Variants in KLF8 observed in about 807,000 individuals in gnomAD.
The protein encoded by KLF8 is KLF transcription factor 8, also known as Krueppel-like factor 8.
In KLF8, 10 loss-of-function variants were observed where a neutral mutation model predicts 18.2. That is an observed-to-expected ratio of 0.55 (90% CI 0.34 to 0.93). The LOEUF (loss-of-function observed/expected upper bound fraction) is 0.93. Ranked by LOEUF, KLF8 falls within the 40% of genes least tolerant of loss-of-function variation. The pLI is 0.02. For missense variants in KLF8, 264 were observed against 277.9 expected, an observed-to-expected ratio of 0.95 and a Z score of 0.36; for synonymous variants, 109 against 97.3, an observed-to-expected ratio of 1.12 and a Z score of -0.71.
chrX:56,141,752 A>G, the KLF8 span, among the ~76,000 whole-genome samples: 2 of 111,711 alleles, frequency 1.8e-5, no homozygotes, highest in African/African-American at 6.5e-5. Context: ...TTGAGGACAG[A>G]ATCAAGCACA....
chrX:56,009,231 G>A, the KLF8 span, among the ~76,000 whole-genome samples: 3 of 110,895 alleles, frequency 2.7e-5, no homozygotes, highest in Admixed American at 9.5e-5. Context: ...GGAGCTCCCA[G>A]AGGAAGGAGC....
chrX:56,219,772 A>C, the KLF8 span, among the ~76,000 whole-genome samples: 2 of 111,919 alleles, frequency 1.8e-5, no homozygotes, highest in African/African-American at 6.5e-5. Flanking sequence ...GACTCGCTTG[A>C]ACCCAGGAGG....
At chrX:56,114,203 C>A in the KLF8 span, among the ~76,000 whole-genome samples, 1 of 112,116 alleles carries the variant, frequency 8.9e-6, no homozygotes, top group African/African-American at 3.2e-5. Flanking sequence ...ACCGCCCAGT[C>A]TCCTTGGCAC....
the KLF8 span, among the ~76,000 whole-genome samples, chrX:55,979,093 A>C: frequency 9.1e-6 from 1 of 109,425 alleles, no homozygotes; most frequent in African/African-American, 3.3e-5. Context: ...ATAGGGCGAG[A>C]GAGAGAGAGA....
At chrX:56,101,246 A>G in the KLF8 span, among the ~76,000 whole-genome samples, 1 of 111,904 alleles carries the variant, frequency 8.9e-6, no homozygotes, top group Non-Finnish European at 1.9e-5. Context: ...CTTGTGTTAA[A>G]TCTTCTAGGA....
chrX:56,275,494 C>A lies in KLF8; in HGVS notation c.898+5173C>A, dbSNP rs2067108786. 2.7e-5 allele frequency among the ~76,000 whole-genome samples: 3 copies of A among 111,072 alleles called. No individual in the cohort carries two copies. The South Asian group carries it at 1.1e-3, about 42-fold the overall frequency. On this transcript the variant is annotated intron_variant, in intron 5 of 5. Transcript: ENST00000468660. The stretch of plus-strand genomic sequence containing the variant: ...TTTCCAATTTGGATGCCCTTTAATT[C>A]TTTTCTCATCTGACTCCTCTAGGTA...
At chrX:56,185,642 C>T in the KLF8 span, among the ~76,000 whole-genome samples, 1 of 112,011 alleles carries the variant, frequency 8.9e-6, no homozygotes, top group East Asian at 2.8e-4. Flanking sequence ...GAGTTACCTA[C>T]AAAGGGAAGC....
the KLF8 span, among the ~76,000 whole-genome samples, chrX:55,995,090 G>A: frequency 1.8e-5 from 2 of 112,184 alleles, no homozygotes; most frequent in Non-Finnish European, 3.8e-5. Context: ...GTGCTCCAAT[G>A]TTGGGAGCAT....
chrX:56,102,661 A>G, the KLF8 span, among the ~76,000 whole-genome samples: 1 of 111,417 alleles, frequency 9.0e-6, no homozygotes, highest in Non-Finnish European at 1.9e-5. Context: ...TTCTTCTTGT[A>G]GAAATGTTTC....
the KLF8 span, among the ~76,000 whole-genome samples, chrX:56,175,999 G>T: frequency 1.8e-5 from 2 of 111,742 alleles, no homozygotes; most frequent in Non-Finnish European, 3.8e-5. Flanking sequence ...GTCTCTGCAT[G>T]TGAGATGTGT....
the KLF8 span, among the ~76,000 whole-genome samples, chrX:56,166,483 G>A: frequency 9.0e-6 from 1 of 111,649 alleles, no homozygotes; most frequent in East Asian, 2.8e-4. Context: ...TTGGCCTCAT[G>A]GGCCCCTGAA....
intron 1 of KLF8, among the ~76,000 whole-genome samples, chrX:56,237,826 C>T (rs1379495309): frequency 8.9e-6 from 1 of 111,775 alleles, no homozygotes; most frequent in Non-Finnish European, 1.9e-5. Flanking sequence ...CCAACATGGT[C>T]AGATTTTCAT....
the KLF8 span, among the ~76,000 whole-genome samples, chrX:55,984,671 T>G: frequency 9.0e-6 from 1 of 111,690 alleles, no homozygotes; most frequent in Non-Finnish European, 1.9e-5. Flanking sequence ...AAATGGTATT[T>G]CTGCTTCTAG....
chrX:56,179,219 T>A, the KLF8 span, among the ~76,000 whole-genome samples: 1 of 111,958 alleles, frequency 8.9e-6, no homozygotes, highest in South Asian at 3.7e-4. Context: ...CCCTTGTAAT[T>A]TGGATTCCTA....
chrX:56,216,793 C>T, the KLF8 span, among the ~76,000 whole-genome samples: 1 of 110,705 alleles, frequency 9.0e-6, no homozygotes, highest in African/African-American at 3.3e-5. Context: ...TTTCTGGCCT[C>T]TCCTGTTTTT....
the KLF8 span, among the ~76,000 whole-genome samples, chrX:55,958,849 C>T: frequency 1.8e-5 from 2 of 112,329 alleles, no homozygotes; most frequent in African/African-American, 3.2e-5. Flanking sequence ...CACCACTGTC[C>T]CTTCTGGTGC....
chrX:56,066,291 G>T, the KLF8 span, among the ~76,000 whole-genome samples: 1 of 112,140 alleles, frequency 8.9e-6, no homozygotes, highest in Non-Finnish European at 1.9e-5. Context: ...GATGAATGGG[G>T]CAGGGTGATT....
At chrX:56,041,016 C>A in the KLF8 span, among the ~76,000 whole-genome samples, 1 of 103,558 alleles carries the variant, frequency 9.7e-6, no homozygotes, top group Non-Finnish European at 2.0e-5. Flanking sequence ...AGGAATTTAT[C>A]CATTTCTTCT....
the KLF8 span, among the ~76,000 whole-genome samples, chrX:55,910,960 A>G: frequency 2.7e-5 from 3 of 111,894 alleles, no homozygotes; most frequent in Non-Finnish European, 5.6e-5. Flanking sequence ...GACCCCACAC[A>G]GTTGAAAATC....
Sources: allele counts gnomAD v4.1 joint callset (sites outside exome capture counted in the v4.1 genomes callset), GRCh38; gene constraint gnomAD v4.1.1; transcripts MANE v1.5; gene names NCBI Gene and HGNC (gene_info 2026-07-23, HGNC 2026-07-21).